The following PHACTR1 variants were observed in gnomAD, a reference collection of about 807,000 sequenced individuals.
PHACTR1 encodes phosphatase and actin regulator 1.
Under a neutral mutation model 69.2 loss-of-function variants are expected in PHACTR1, and 16 were observed. The observed-to-expected ratio is 0.23, with a 90% CI of 0.16 to 0.35. The LOEUF (loss-of-function observed/expected upper bound fraction) is 0.35. Ranked by LOEUF, PHACTR1 falls within the 10% of genes least tolerant of loss-of-function variation. The probability of loss-of-function intolerance (pLI) is 1.00; values close to 1 mark genes in which losing one functional copy is unlikely to be tolerated. For missense variants in PHACTR1, 510 were observed against 734.7 expected, an observed-to-expected ratio of 0.69 and a Z score of 3.54; for synonymous variants, 312 against 284.5, an observed-to-expected ratio of 1.10 and a Z score of -0.97.
chr6:12,929,791 C>T (rs1380445102), intron 4 of PHACTR1, among the ~76,000 whole-genome samples: 3 of 152,196 alleles, frequency 2.0e-5, no homozygotes. Context: ...TGATCAGCCT[C>T]TACTGAGATT....
At chr6:12,916,108 C>T (rs1786960147) in intron 4 of PHACTR1, among the ~76,000 whole-genome samples, 1 of 152,152 alleles carries the variant, frequency 6.6e-6, no homozygotes, top group South Asian at 2.1e-4. Context: ...GCTCAGTTTT[C>T]CATAAGCCTA....
At chr6:12,908,823 G>A (rs1470559739) in intron 4 of PHACTR1, among the ~76,000 whole-genome samples, 6 of 152,204 alleles carry the variant, frequency 3.9e-5, no homozygotes, top group Non-Finnish European at 5.9e-5. Context: ...GCAGGAAGCC[G>A]CACATCTCCT....
At chr6:13,013,919 G>A (rs1328482382) in intron 4 of PHACTR1, among the ~76,000 whole-genome samples, 1 of 150,574 alleles carries the variant, frequency 6.6e-6, no homozygotes, top group African/African-American at 2.4e-5. Context: ...CGAAGCCGGG[G>A]AGGTTTGCGC....
chr6:12,996,992 C>T (rs910120621), intron 4 of PHACTR1, among the ~76,000 whole-genome samples: 2 of 152,006 alleles, frequency 1.3e-5, no homozygotes, highest in African/African-American at 4.8e-5. Flanking sequence ...ATGGAGAAAC[C>T]TCATCTCTAC....
chr6:12,778,100 G>GAA (rs147197434), intron 4 of PHACTR1, among the ~76,000 whole-genome samples: 5 of 148,104 alleles, frequency 3.4e-5, no homozygotes, highest in African/African-American at 5.0e-5. Flanking sequence ...CCTTTTAAAA[G>GAA]AAAAAAAAAA....
chr6:12,718,889 G>A (rs1346234055), intron 3 of PHACTR1, 42 bp downstream of exon 3: 15 of 1,273,906 alleles, frequency 1.2e-5, no homozygotes, highest in East Asian at 2.6e-5. Flanking sequence ...TTTGCACGTC[G>A]GTTTTATATG....
intron 5 of PHACTR1, among the ~76,000 whole-genome samples, chr6:13,131,557 A>G (rs1017468416): frequency 6.6e-6 from 1 of 152,192 alleles, no homozygotes; most frequent in African/African-American, 2.4e-5. Context: ...AGAACTTATC[A>G]ATGTAACCAA....
chr6:13,110,257 T>G lies in PHACTR1; in HGVS notation c.416-49947T>G, dbSNP rs116545029. The stretch of plus-strand genomic sequence containing the variant: ...GTTCTGTATAGAGTATTAAGTTTTA[T>G]TCTGGCTAGCAGTAATTTGCATGAT... On this transcript the variant is annotated intron_variant, in intron 5 of 14. Coordinates refer to ENST00000332995, the MANE Select transcript of PHACTR1 (RefSeq NM_030948.6). 5.3e-3 allele frequency among the ~76,000 whole-genome samples: 805 copies of G among 152,266 alleles called. 6 individuals carry two copies. Among genetic ancestry groups the G allele is most frequent in the African/African-American group, 0.018 (763 of 41,544 alleles).
intron 12 of PHACTR1, among the ~76,000 whole-genome samples, chr6:13,282,860 C>T (rs1780594193): frequency 6.6e-6 from 1 of 151,768 alleles, no homozygotes; most frequent in Admixed American, 6.6e-5. Flanking sequence ...GAAAGACAAG[C>T]TTCTAGTAAT....
chr6:12,928,395 T>C (rs1160397077), intron 4 of PHACTR1, among the ~76,000 whole-genome samples: 2 of 152,184 alleles, frequency 1.3e-5, no homozygotes, highest in Non-Finnish European at 2.9e-5. Flanking sequence ...CGGGACTGGC[T>C]TGAAATTAAC....
At chr6:13,083,112 A>G (rs372413372) in intron 5 of PHACTR1, among the ~76,000 whole-genome samples, 5 of 152,196 alleles carry the variant, frequency 3.3e-5, no homozygotes. Context: ...ATCTTGAATT[A>G]ATTTTTGTAT....
intron 4 of PHACTR1, among the ~76,000 whole-genome samples, chr6:12,887,776 A>G (rs554595280): frequency 6.6e-6 from 1 of 152,232 alleles, no homozygotes; most frequent in South Asian, 2.1e-4. Context: ...AATCTCTATC[A>G]TAGTAGTATT....
chr6:13,226,612 C>T (rs1769750470), intron 8 of PHACTR1, among the ~76,000 whole-genome samples: 1 of 152,146 alleles, frequency 6.6e-6, no homozygotes, highest in Admixed American at 6.5e-5. Flanking sequence ...TACTAGATTT[C>T]ATGCAAAGCC....
rs1336664721 is a variant in PHACTR1, at chr6:13,283,020, A to G, written c.1510-402A>G. ...CAGATAAAATGATATGATGCCTGTGATTTGTTTCAAAGCAATCTACATGTG... is the reference window on the plus strand; with the variant it reads ...CAGATAAAATGATATGATGCCTGTGGTTTGTTTCAAAGCAATCTACATGTG... On this transcript the variant is annotated intron_variant, in intron 12 of 14. Coordinates refer to ENST00000332995, the MANE Select transcript of PHACTR1 (RefSeq NM_030948.6). The surrounding 1 kb of genome is among the most constrained non-coding windows in gnomAD (Gnocchi z 4.7). Among the ~76,000 whole-genome samples, 1 of 152,186 alleles carries G rather than the reference A, an allele frequency of 6.6e-6. No homozygotes were observed. Among genetic ancestry groups the G allele is most frequent in the Non-Finnish European group, 1.5e-5 (1 of 68,036 alleles).
At chr6:13,198,686 T>C (rs1026257491) in intron 7 of PHACTR1, among the ~76,000 whole-genome samples, 2 of 150,834 alleles carry the variant, frequency 1.3e-5, no homozygotes, top group African/African-American at 4.9e-5. Context: ...TTTAAGAAAG[T>C]TTACCATTTT....
intron 4 of PHACTR1, among the ~76,000 whole-genome samples, chr6:12,970,639 C>G (rs1298040066): frequency 6.6e-6 from 1 of 152,114 alleles, no homozygotes; most frequent in Non-Finnish European, 1.5e-5. Context: ...GCCTGTAGTC[C>G]CAGCTACTCA....
intron 4 of PHACTR1, among the ~76,000 whole-genome samples, chr6:12,828,087 T>C (rs1239376025): frequency 6.6e-6 from 1 of 152,214 alleles, no homozygotes; most frequent in African/African-American, 2.4e-5. Flanking sequence ...TTTGATTACC[T>C]ACCTAACCTT....
intron 5 of PHACTR1, among the ~76,000 whole-genome samples, chr6:13,095,752 T>C: frequency 1.3e-4 from 2 of 14,920 alleles, no homozygotes; most frequent in Non-Finnish European, 2.9e-4. Flanking sequence ...TGAAGGGCTT[T>C]TTTTTTTTTT....
intron 4 of PHACTR1, among the ~76,000 whole-genome samples, chr6:12,792,606 T>A (rs1301858166): frequency 6.6e-6 from 1 of 151,724 alleles, no homozygotes; most frequent in East Asian, 1.9e-4. Context: ...TTTCAAGCTG[T>A]CCAGGGTTGC....
Sources: allele counts gnomAD v4.1 joint callset (sites outside exome capture counted in the v4.1 genomes callset), GRCh38; gene constraint gnomAD v4.1.1; non-coding constraint Gnocchi (gnomAD v3.1); transcripts MANE v1.5; gene names NCBI Gene and HGNC (gene_info 2026-07-23, HGNC 2026-07-21).